TTC29: variants seen among roughly 807,000 people sequenced by gnomAD.
TTC29 encodes tetratricopeptide repeat protein 29.
A neutral mutation model predicts 58.1 loss-of-function variants in TTC29; 49 were observed. The observed-to-expected ratio is 0.84, with a 90% CI of 0.67 to 1.07. The LOEUF (loss-of-function observed/expected upper bound fraction) is 1.07. TTC29 is among the 50% of genes least tolerant of loss of function. The probability of loss-of-function intolerance (pLI) is 0.00; values close to 1 mark genes in which losing one functional copy is unlikely to be tolerated. For missense variants in TTC29, 582 were observed against 555.6 expected (o/e 1.05, Z -0.48); for synonymous variants, 209 against 196.8 (o/e 1.06, Z -0.52).
intron 4 of TTC29, among the ~76,000 whole-genome samples, chr4:146,914,318 A>T (rs1014115451): frequency 1.3e-5 from 2 of 152,194 alleles, no homozygotes; most frequent in East Asian, 3.8e-4. Context: ...TAGAAATATA[A>T]ACAAAACTCA....
At chr4:146,718,790 G>A (rs1743135993) in intron 11 of TTC29, among the ~76,000 whole-genome samples, 1 of 152,060 alleles carries the variant, frequency 6.6e-6, no homozygotes, top group Non-Finnish European at 1.5e-5. Flanking sequence ...CTAGACCAAC[G>A]ACACATAGTT....
intron 10 of TTC29, among the ~76,000 whole-genome samples, chr4:146,818,415 A>T (rs1375353069): frequency 1.3e-5 from 2 of 152,234 alleles, no homozygotes; most frequent in Non-Finnish European, 2.9e-5. Flanking sequence ...AATGGTGATC[A>T]TTAAAAAGTC....
At chr4:146,767,611 C>G (rs900607565) in intron 11 of TTC29, among the ~76,000 whole-genome samples, 1 of 151,970 alleles carries the variant, frequency 6.6e-6, no homozygotes, top group Non-Finnish European at 1.5e-5. Context: ...CATAACATAC[C>G]TGAAGTAGGA....
At chr4:146,913,343 T>A (rs776444922) in intron 4 of TTC29, among the ~76,000 whole-genome samples, 11 of 152,048 alleles carry the variant, frequency 7.2e-5, no homozygotes, top group Non-Finnish European at 1.6e-4. Flanking sequence ...TCCAGAAAAA[T>A]CACTCTGGGC....
At chr4:146,796,117 C>T (rs1331277343) in intron 11 of TTC29, among the ~76,000 whole-genome samples, 1 of 151,852 alleles carries the variant, frequency 6.6e-6, no homozygotes, top group Admixed American at 6.6e-5. Context: ...ATTTTTCTTA[C>T]AAGTGATGAT....
intron 6 of TTC29, among the ~76,000 whole-genome samples, chr4:146,875,679 C>T (rs551024741): frequency 6.4e-4 from 98 of 152,188 alleles, no homozygotes; most frequent in African/African-American, 2.3e-3. Context: ...GCGCCTTAAA[C>T]TGCTTCTCAA....
chr4:146,707,061 ACT>A lies in TTC29; in HGVS notation c.*95_*96del, dbSNP rs1369340531. The A allele has an allele frequency of 7.9e-6, 7 of 891,442 alleles. No individual in the cohort carries two copies. The highest frequency in any genetic ancestry group is 2.7e-4 in the Middle Eastern group (1 of 3,710). The allele number at this position is 891,442 out of a possible 1,614,324, so 55.2% of individuals were successfully genotyped here. A position where few individuals can be genotyped will look rare whatever the true frequency, so the allele number is the denominator to read the frequency against. The stretch of plus-strand genomic sequence containing the variant: ...AAGAGTCATAGTCCGTTTTATTATA[ACT>A]CTATATTATCTGTAACATGCTCCTA... On this transcript the variant is annotated 3_prime_UTR_variant, in exon 13 of 13. Transcript: ENST00000325106.
At chr4:146,795,284 G>A (rs1298402885) in intron 11 of TTC29, among the ~76,000 whole-genome samples, 3 of 152,126 alleles carry the variant, frequency 2.0e-5, no homozygotes, top group African/African-American at 4.8e-5. Flanking sequence ...CCAGGAAGAT[G>A]AAAACACTGG....
intron 11 of TTC29, among the ~76,000 whole-genome samples, chr4:146,748,531 A>C (rs1745719367): frequency 6.6e-6 from 1 of 152,154 alleles, no homozygotes; most frequent in Non-Finnish European, 1.5e-5. Context: ...TGACAATAAC[A>C]AGAGGATCCC....
chr4:146,740,751 A>T (rs542585702), intron 11 of TTC29, among the ~76,000 whole-genome samples: 1 of 152,158 alleles, frequency 6.6e-6, no homozygotes, highest in South Asian at 2.1e-4. Context: ...AGTCTCACTC[A>T]AGCCACTTCA....
chr4:146,831,873 C>T (rs556714980), intron 9 of TTC29: 37 of 244,238 alleles, frequency 1.5e-4, no homozygotes, highest in South Asian at 4.5e-4. Flanking sequence ...AAATTGTAAG[C>T]GCTTAGTAGA....
intron 11 of TTC29, among the ~76,000 whole-genome samples, chr4:146,789,475 A>C (rs529102865): frequency 1.3e-5 from 2 of 152,168 alleles, no homozygotes; most frequent in Non-Finnish European, 2.9e-5. Flanking sequence ...CTTGAGTTGC[A>C]CCTTGAGAAA....
At chr4:146,845,721 C>G (rs1442122498) in intron 8 of TTC29, among the ~76,000 whole-genome samples, 2 of 152,134 alleles carry the variant, frequency 1.3e-5, no homozygotes, top group African/African-American at 2.4e-5. Context: ...ATGGGCCCAG[C>G]TCTCTCTGCC....
chr4:146,867,228 T>G (rs1048664918), intron 8 of TTC29, among the ~76,000 whole-genome samples: 2 of 152,152 alleles, frequency 1.3e-5, no homozygotes, highest in Non-Finnish European at 2.9e-5. Flanking sequence ...TATGGGCATA[T>G]GGAGGGCCAT....
chr4:146,922,323 T>C (rs991761685), intron 4 of TTC29, among the ~76,000 whole-genome samples: 12 of 151,220 alleles, frequency 7.9e-5, no homozygotes, highest in African/African-American at 2.9e-4. Flanking sequence ...GAAGAAAATA[T>C]TAACAGTAAG....
chr4:146,933,055 CT>C (rs1735470555), intron 4 of TTC29, among the ~76,000 whole-genome samples: 1 of 113,632 alleles, frequency 8.8e-6, no homozygotes, highest in Non-Finnish European at 1.7e-5. Flanking sequence ...GAGACTCCGT[CT>C]CAAAAAAAAA....
chr4:146,908,892 G>A (rs1733703301), intron 5 of TTC29, 134 bp downstream of exon 5: 18 of 758,198 alleles, frequency 2.4e-5, no homozygotes, highest in Non-Finnish European at 3.4e-5. Flanking sequence ...CCATAAAGAC[G>A]TTTAATTGAC....
chr4:146,708,933 TGG>T (rs1317419679), intron 11 of TTC29, among the ~76,000 whole-genome samples: 1 of 152,146 alleles, frequency 6.6e-6, no homozygotes. Context: ...CACCTGAAGA[TGG>T]GTTGGTGTCC....
At chr4:146,712,005 CAATAAATAAATA>C (rs541582442) in intron 11 of TTC29, among the ~76,000 whole-genome samples, 3 of 151,652 alleles carry the variant, frequency 2.0e-5, no homozygotes, top group Non-Finnish European at 2.9e-5. Flanking sequence ...AAATCCCTTC[CAATAAATAAATA>C]AATAAATAAA....
Sources: gnomAD v4.1 joint callset for allele counts (sites outside exome capture counted in the v4.1 genomes callset) on GRCh38, gnomAD v4.1.1 for gene constraint, MANE v1.5 for transcripts, NCBI Gene and HGNC (gene_info 2026-07-23, HGNC 2026-07-21) for gene names.